Variants in ANKMY2 observed in about 807,000 individuals in gnomAD.
ANKMY2 encodes ankyrin repeat and MYND domain containing 2.
Under a neutral mutation model 50.4 loss-of-function variants are expected in ANKMY2, and 36 were observed. The ratio of observed to expected loss-of-function variants is 0.71; its 90% CI spans 0.55 to 0.94. The LOEUF (loss-of-function observed/expected upper bound fraction) is 0.94, where lower values mean the gene tolerates loss of function less well. Ranked by LOEUF, ANKMY2 falls within the 40% of genes least tolerant of loss-of-function variation. ANKMY2 has a pLI of 0.00. For synonymous variants in ANKMY2, 187 were observed against 178.8 expected (o/e 1.05, Z -0.36); for missense variants, 565 against 524.0 (o/e 1.08, Z -0.76).
intron 1 of ANKMY2, among the ~76,000 whole-genome samples, chr7:16,640,390 G>A (rs931883192): frequency 2.6e-5 from 4 of 152,046 alleles, no homozygotes; most frequent in African/African-American, 7.3e-5. Context: ...TCGGGAACAC[G>A]GGTCTCTACC....
intron 7 of ANKMY2, among the ~76,000 whole-genome samples, chr7:16,609,171 A>C (rs1048398997): frequency 6.6e-6 from 1 of 152,192 alleles, no homozygotes; most frequent in Non-Finnish European, 1.5e-5. Context: ...AAGCTGAGGC[A>C]TACTTTGAGA....
At chr7:16,642,069 A>G (rs1386670277) in intron 1 of ANKMY2, among the ~76,000 whole-genome samples, 1 of 152,100 alleles carries the variant, frequency 6.6e-6, no homozygotes, top group Non-Finnish European at 1.5e-5. Context: ...AATAGTTGGT[A>G]AGAAAAAGCC....
intron 2 of ANKMY2, among the ~76,000 whole-genome samples, chr7:16,635,011 A>T (rs546191912): frequency 3.3e-5 from 5 of 152,216 alleles, no homozygotes; most frequent in Non-Finnish European, 7.3e-5. Context: ...AGAGAAGATA[A>T]ATCATTCAAA....
At chr7:16,633,801 T>G (rs1583683682) in intron 2 of ANKMY2, among the ~76,000 whole-genome samples, 1 of 152,166 alleles carries the variant, frequency 6.6e-6, no homozygotes, top group South Asian at 2.1e-4. Context: ...TGTTACTTTT[T>G]TTCTATTTAA....
At chr7:16,626,955 T>G (rs1297905507) in intron 3 of ANKMY2, 85 bp downstream of exon 3, 1 of 1,162,220 alleles carries the variant, frequency 8.6e-7, no homozygotes, top group Non-Finnish European at 1.1e-6. Context: ...ATTACTAAAA[T>G]CAAAATGAAT....
At chr7:16,627,986 T>C (rs1314066465) in intron 2 of ANKMY2, among the ~76,000 whole-genome samples, 5 of 152,058 alleles carry the variant, frequency 3.3e-5, no homozygotes, top group African/African-American at 1.2e-4. Flanking sequence ...TGATTGTATA[T>C]ATATGGAAAA....
chr7:16,608,179 C>A (rs1781190705), intron 7 of ANKMY2, among the ~76,000 whole-genome samples: 1 of 152,196 alleles, frequency 6.6e-6, no homozygotes, highest in African/African-American at 2.4e-5. Context: ...CTTTGGGCAT[C>A]TATGTATATG....
At chr7:16,601,136 C>T (rs1781054171) in intron 9 of ANKMY2, among the ~76,000 whole-genome samples, 191 bp from the exon 10 acceptor site, 1 of 152,146 alleles carries the variant, frequency 6.6e-6, no homozygotes, top group African/African-American at 2.4e-5. Flanking sequence ...TGCAAGTTTC[C>T]TGGCTAGTGA....
intron 5 of ANKMY2, 75 bp from the exon 6 acceptor site, chr7:16,610,838 T>G: frequency 7.6e-7 from 1 of 1,316,264 alleles, no homozygotes; most frequent in Non-Finnish European, 1.1e-6. Context: ...TCCATTTAGT[T>G]GATTTCAAAA....
chr7:16,620,941 C>A (rs1301568636), intron 4 of ANKMY2, among the ~76,000 whole-genome samples: 2 of 151,980 alleles, frequency 1.3e-5, no homozygotes, highest in African/African-American at 4.8e-5. Context: ...TGACATTATA[C>A]AATGATAAAA....
chr7:16,629,120 C>T (rs1028075221), intron 2 of ANKMY2, among the ~76,000 whole-genome samples: 1 of 152,164 alleles, frequency 6.6e-6, no homozygotes, highest in Non-Finnish European at 1.5e-5. Flanking sequence ...TCCCTTTCGT[C>T]TCATTTAAAA....
chr7:16,634,004 A>G (rs1265249658), intron 2 of ANKMY2, among the ~76,000 whole-genome samples: 2 of 152,004 alleles, frequency 1.3e-5, no homozygotes, highest in African/African-American at 4.8e-5. Context: ...TTTGCTTTAA[A>G]CTTTATTTTG....
intron 5 of ANKMY2, among the ~76,000 whole-genome samples, chr7:16,613,564 G>A (rs945970917): frequency 5.3e-5 from 8 of 152,090 alleles, no homozygotes; most frequent in African/African-American, 1.9e-4. Context: ...AAAATATTAT[G>A]TAGTCTATTT....
Position 16,610,610 on chromosome 7 carries a change from A to T in ANKMY2, c.685T>A (p.Phe229Ile). 1 of 1,614,004 alleles carries T rather than the reference A, an allele frequency of 6.2e-7. No homozygotes were observed. Among genetic ancestry groups the T allele is most frequent in the Non-Finnish European group, 8.5e-7 (1 of 1,179,912 alleles). Residue 229 changes from phenylalanine (F) to isoleucine (I), a missense_variant, in exon 6 of 10, where the codon TTT becomes ATT. Phe to Ile is a conservative substitution (Grantham distance 21, BLOSUM62 0). Transcript: ENST00000306999. ...TTTAAGAAGTTAATGCATTTCTGAA[A>T]GATACAGCTTATGTAATGCATCTTC... is the stretch of plus-strand genomic sequence containing the variant. Reference protein sequence around the residue: ...AMKMHYISCIFQKCINFLKDG... With the variant: ...AMKMHYISCIIQKCINFLKDG...
chr7:16,636,518 C>T (rs540340164), intron 1 of ANKMY2, 63 bp from the exon 2 acceptor site: 3 of 1,320,702 alleles, frequency 2.3e-6, no homozygotes, highest in Non-Finnish European at 3.1e-6. Context: ...AAAAATCTAA[C>T]ATCAAGGAAA....
Position 16,625,039 on chromosome 7 carries a change from T to C in ANKMY2, c.314A>G (p.Glu105Gly). The change falls in exon 4 of 10, where the codon GAG (glutamate) becomes GGG (glycine). Residue 105 changes from glutamate (E) to glycine (G), a missense_variant. Transcript: ENST00000306999. ...TCCCACAGAGTTGACAACATCTGTC[T>C]CAGCACCAGCTTCTAACATTACCCA... The part of the protein sequence containing the change: ...ITWVMLEAGA[E>G]TDVVNSVGRT... 1.2e-6 allele frequency: 2 copies of C among 1,614,148 alleles called. No homozygotes were observed. Among genetic ancestry groups the C allele is most frequent in the Non-Finnish European group, 1.7e-6 (2 of 1,179,994 alleles).
chr7:16,616,693 C>T (rs552661488), intron 4 of ANKMY2, among the ~76,000 whole-genome samples: 17 of 152,320 alleles, frequency 1.1e-4, no homozygotes, highest in Middle Eastern at 3.4e-3. Flanking sequence ...CCTGGATCTC[C>T]GGAGGAGACT....
intron 4 of ANKMY2, among the ~76,000 whole-genome samples, chr7:16,621,646 C>T (rs1016774226): frequency 6.6e-6 from 1 of 152,008 alleles, no homozygotes; most frequent in Non-Finnish European, 1.5e-5. Context: ...ACAAGAAACA[C>T]GGAAGCTATA....
chr7:16,615,972 A>C lies in ANKMY2; in HGVS notation c.371-68T>G, dbSNP rs916517937. ...AATAACACATCTGGTTTTTAAAATT[A>C]ATTATGTTGCTATTTTTGTGATGTA... On this transcript the variant is annotated intron_variant, in intron 4 of 9. Transcript: ENST00000306999. 10 of 1,438,378 alleles carry C rather than the reference A, an allele frequency of 7.0e-6. No individual in the cohort carries two copies. In the African/African-American group the frequency reaches 1.3e-4, roughly 19 times the overall value. The allele number at this position is 1,438,378 out of a possible 1,614,324, so 89.1% of individuals were successfully genotyped here.
Sources: gnomAD v4.1 joint callset for allele counts (sites outside exome capture counted in the v4.1 genomes callset) on GRCh38, gnomAD v4.1.1 for gene constraint, MANE v1.5 for transcripts, NCBI Gene and HGNC (gene_info 2026-07-23, HGNC 2026-07-21) for gene names.